The following NTN1 variants were observed in gnomAD, a reference collection of about 807,000 sequenced individuals.
NTN1 encodes the protein netrin 1, also known as netrin-1.
NTN1 carries 11 observed loss-of-function variants against 54.2 expected under a neutral mutation model. That is an observed-to-expected ratio of 0.20 (90% confidence interval 0.13 to 0.34). NTN1 has a LOEUF of 0.34. Ranked by LOEUF, NTN1 falls within the 10% of genes least tolerant of loss-of-function variation. The probability of loss-of-function intolerance (pLI) is 1.00; values close to 1 mark genes in which losing one functional copy is unlikely to be tolerated. For missense variants in NTN1, 740 were observed against 893.1 expected, an observed-to-expected ratio of 0.83 and a Z score of 2.18; for synonymous variants, 371 against 382.0, an observed-to-expected ratio of 0.97 and a Z score of 0.33.
the NTN1 span, among the ~76,000 whole-genome samples, chr17:9,015,806 C>T: frequency 6.6e-6 from 1 of 152,134 alleles, no homozygotes; most frequent in African/African-American, 2.4e-5. Context: ...CGTGGTGGCT[C>T]ACACCTGTAA....
chr17:9,150,931 C>T (rs147367500), intron 2 of NTN1, among the ~76,000 whole-genome samples: 2 of 152,298 alleles, frequency 1.3e-5, no homozygotes, highest in East Asian at 1.9e-4. Context: ...TTTGGAGAGC[C>T]GAGCCCGTGA....
chr17:9,182,807 C>G, intron 4 of NTN1, 109 bp from the exon 5 acceptor site: 4 of 1,090,542 alleles, frequency 3.7e-6, no homozygotes, highest in Non-Finnish European at 5.7e-6. Context: ...AGGGGAGGGT[C>G]CCAGGAAGTT....
In NTN1 at chr17:9,239,984, C is replaced by G. The variant is rs1437723888; in HGVS notation, c.*16C>G. 5 of 5,934 alleles carry G rather than the reference C, an allele frequency of 8.4e-4. No individual in the cohort carries two copies. The highest frequency in any genetic ancestry group is 9.7e-4 in the Non-Finnish European group (3 of 3,100). 0.4% of individuals were successfully genotyped at this position (5,934 alleles called of 1,614,324 possible). A position where few individuals can be genotyped will look rare whatever the true frequency, so the allele number is the denominator to read the frequency against. On this transcript the variant is annotated 3_prime_UTR_variant, in exon 7 of 7. Transcript: ENST00000173229. This position sits in a 1 kb window ranked among gnomAD's most constrained non-coding sequence, Gnocchi z 5.2. ...GAAGGCCTAGCGCCGAGGCAGCGGG[C>G]GGGCGGGCGGGCGGGCGCCAGGGCG...
At chr17:9,236,659 A>G (rs1324793333) in intron 6 of NTN1, among the ~76,000 whole-genome samples, 1 of 152,134 alleles carries the variant, frequency 6.6e-6, no homozygotes, top group Non-Finnish European at 1.5e-5. Flanking sequence ...GGGTGGAAGG[A>G]CAAGGGCTGG....
intron 6 of NTN1, among the ~76,000 whole-genome samples, chr17:9,225,931 A>G (rs1905524430): frequency 6.6e-6 from 1 of 152,180 alleles, no homozygotes; most frequent in Non-Finnish European, 1.5e-5. Context: ...TTCCTCCTCC[A>G]GGCCTCGCAG....
chr17:9,089,906 A>G (rs560898561), intron 2 of NTN1, among the ~76,000 whole-genome samples: 13 of 152,240 alleles, frequency 8.5e-5, no homozygotes, highest in Non-Finnish European at 1.6e-4. Context: ...TTAAACACCA[A>G]CAAGCTATCT....
At chr17:9,118,327 C>T (rs999541959) in intron 2 of NTN1, among the ~76,000 whole-genome samples, 5 of 152,144 alleles carry the variant, frequency 3.3e-5, no homozygotes, top group Non-Finnish European at 7.3e-5. Context: ...CAAGACCAGC[C>T]TGGCCATGGT....
At chr17:9,224,584 T>C (rs866104991) in intron 6 of NTN1, among the ~76,000 whole-genome samples, 3 of 151,968 alleles carry the variant, frequency 2.0e-5, no homozygotes, top group Non-Finnish European at 4.4e-5. Context: ...AGCCAGGGAG[T>C]GGCCCAGCCT....
In NTN1 at chr17:9,048,681, G is replaced by T. The variant is rs566302060; in HGVS notation, c.1018+25290G>T. 6.6e-5 allele frequency among the ~76,000 whole-genome samples: 10 copies of T among 151,358 alleles called. No individual in the cohort carries two copies. The South Asian group carries it at 2.1e-3, about 32-fold the overall frequency. On this transcript the variant is annotated intron_variant, in intron 2 of 6. Coordinates refer to ENST00000173229, the MANE Select transcript of NTN1 (RefSeq NM_004822.3). ...TTTTTTTTTTCTTTTTTTTGAGACAGAGTCTTGCTCTGTCACCCAGGCTGG... is the reference window on the plus strand; with the variant it reads ...TTTTTTTTTTCTTTTTTTTGAGACATAGTCTTGCTCTGTCACCCAGGCTGG...
intron 2 of NTN1, among the ~76,000 whole-genome samples, chr17:9,069,305 A>T (rs921830374): frequency 2.0e-5 from 3 of 148,396 alleles, no homozygotes; most frequent in Non-Finnish European, 4.5e-5. Context: ...TATGGGAATT[A>T]AAAAAAAAAG....
chr17:9,214,579 T>C (rs912656201), intron 5 of NTN1, among the ~76,000 whole-genome samples: 6 of 152,212 alleles, frequency 3.9e-5, no homozygotes, highest in African/African-American at 1.2e-4. Flanking sequence ...TCCCAGCACT[T>C]TGGGAGGCCG....
intron 3 of NTN1, among the ~76,000 whole-genome samples, chr17:9,169,118 T>G (rs1029308169): frequency 6.6e-6 from 1 of 150,904 alleles, no homozygotes; most frequent in Non-Finnish European, 1.5e-5. Flanking sequence ...CGTATTTGGC[T>G]CCATGTTCAG....
chr17:9,220,303 GGGGGCAGGGCA>G (rs1905302545), intron 5 of NTN1, among the ~76,000 whole-genome samples: 1 of 152,236 alleles, frequency 6.6e-6, no homozygotes, highest in Non-Finnish European at 1.5e-5. Flanking sequence ...GCTGAGTGCT[GGGGGCAGGGCA>G]GACTGGGGGA....
intron 6 of NTN1, among the ~76,000 whole-genome samples, chr17:9,223,441 A>G (rs548197044): frequency 6.6e-6 from 1 of 152,242 alleles, no homozygotes; most frequent in African/African-American, 2.4e-5. Flanking sequence ...AATCTCAGCT[A>G]CTCGGGAGGC....
intron 2 of NTN1, among the ~76,000 whole-genome samples, chr17:9,026,747 G>A (rs528890238): frequency 5.9e-5 from 9 of 151,668 alleles, no homozygotes; most frequent in African/African-American, 1.9e-4. Context: ...CCCTGACGTC[G>A]GAGCTGTGTT....
intron 2 of NTN1, among the ~76,000 whole-genome samples, chr17:9,158,017 A>G (rs1296363836): frequency 6.6e-6 from 1 of 152,218 alleles, no homozygotes; most frequent in East Asian, 1.9e-4. Flanking sequence ...AGGGATCCAG[A>G]TGTGAGCTGC....
chr17:9,197,534 C>T (rs1294830780), intron 5 of NTN1, among the ~76,000 whole-genome samples: 1 of 151,970 alleles, frequency 6.6e-6, no homozygotes, highest in Non-Finnish European at 1.5e-5. Flanking sequence ...GTGGAGGGCA[C>T]CTGTAGTCCC....
Position 9,150,185 on chromosome 17 carries a change from A to T in NTN1, c.1019-12628A>T, listed in dbSNP as rs896087100. The stretch of plus-strand genomic sequence containing the variant: ...GCCACTGCCCTCCAGCCTGGGTGAC[A>T]AGAGTGAAACCCCATCTCAAAAAAT... On this transcript the variant is annotated intron_variant, in intron 2 of 6. Transcript: ENST00000173229. Among the ~76,000 whole-genome samples the T allele has an allele frequency of 4.6e-5, 7 of 152,200 alleles. No homozygotes were observed. The East Asian group carries it at 1.4e-3, about 29-fold the overall frequency.
chr17:9,231,716 G>T (rs1905822443), intron 6 of NTN1, among the ~76,000 whole-genome samples: 1 of 123,118 alleles, frequency 8.1e-6, no homozygotes, highest in African/African-American at 2.5e-5. Context: ...CCGCTCTGTG[G>T]AGTGGTATTA....
Sources: gnomAD v4.1 joint callset for allele counts (sites outside exome capture counted in the v4.1 genomes callset) on GRCh38, gnomAD v4.1.1 for gene constraint, Gnocchi (gnomAD v3.1) non-coding constraint, MANE v1.5 for transcripts, NCBI Gene and HGNC (gene_info 2026-07-23, HGNC 2026-07-21) for gene names.